Variants in POU6F2 observed in about 807,000 individuals in gnomAD.
POU6F2 encodes the protein POU domain, class 6, transcription factor 2.
A neutral mutation model predicts 71.3 loss-of-function variants in POU6F2; 31 were observed. The ratio of observed to expected loss-of-function variants is 0.43; its 90% CI spans 0.33 to 0.59. The LOEUF (loss-of-function observed/expected upper bound fraction) is 0.59, where lower values mean the gene tolerates loss of function less well. POU6F2 is among the 20% of genes least tolerant of loss of function. The probability of loss-of-function intolerance (pLI) is 0.04; values close to 1 mark genes in which losing one functional copy is unlikely to be tolerated. For synonymous variants in POU6F2, 347 were observed against 355.7 expected, an observed-to-expected ratio of 0.98 and a Z score of 0.27; for missense variants, 783 against 856.8, an observed-to-expected ratio of 0.91 and a Z score of 1.07.
chr7:39,015,466 A>G (rs1402097094), intron 1 of POU6F2, among the ~76,000 whole-genome samples: 3 of 120,592 alleles, frequency 2.5e-5, no homozygotes, highest in Non-Finnish European at 4.8e-5. Context: ...TTATATATAG[A>G]TATATTATAT....
intron 6 of POU6F2, among the ~76,000 whole-genome samples, chr7:39,431,224 G>A (rs1032916113): frequency 6.6e-6 from 1 of 152,122 alleles, no homozygotes; most frequent in Non-Finnish European, 1.5e-5. Context: ...AACTTTATTG[G>A]CCTCCATTGA....
chr7:39,093,182 T>A (rs767687655), intron 2 of POU6F2, among the ~76,000 whole-genome samples: 1 of 152,004 alleles, frequency 6.6e-6, no homozygotes, highest in South Asian at 2.1e-4. Flanking sequence ...TAACTAATAG[T>A]CAAAGCAAGT....
intron 4 of POU6F2, among the ~76,000 whole-genome samples, chr7:39,297,252 C>T (rs1248017263): frequency 1.3e-5 from 2 of 149,792 alleles, no homozygotes; most frequent in Admixed American, 6.6e-5. Context: ...TTCACATATA[C>T]GTGCACATTT....
At chr7:39,362,506 T>C (rs937411065) in intron 5 of POU6F2, among the ~76,000 whole-genome samples, 1 of 152,150 alleles carries the variant, frequency 6.6e-6, no homozygotes, top group Non-Finnish European at 1.5e-5. Context: ...TAGGGAACTT[T>C]TTTCAGTTTC....
At chr7:39,329,328 T>C (rs138368197) in intron 4 of POU6F2, among the ~76,000 whole-genome samples, 26 of 151,198 alleles carry the variant, frequency 1.7e-4, no homozygotes, top group African/African-American at 5.6e-4. Flanking sequence ...AGACCTGATA[T>C]GATTGTGCTT....
chr7:39,185,811 ATATGTATATGTATATG>A (rs1793522448), intron 2 of POU6F2, among the ~76,000 whole-genome samples: 1 of 41,694 alleles, frequency 2.4e-5, no homozygotes, highest in Non-Finnish European at 4.0e-5. Flanking sequence ...ATATATATGT[ATATGTATATGTATATG>A]TATATGTATA....
chr7:39,328,903 C>T (rs1222703860), intron 4 of POU6F2: 1 of 152,214 alleles, frequency 6.6e-6, no homozygotes, highest in Non-Finnish European at 1.5e-5. Flanking sequence ...TCTTTCTGTA[C>T]TTCCCGTAAT....
intron 5 of POU6F2, among the ~76,000 whole-genome samples, chr7:39,345,149 T>C (rs1280345429): frequency 1.3e-5 from 2 of 152,134 alleles, no homozygotes; most frequent in African/African-American, 4.8e-5. Context: ...AAAAAATCAG[T>C]CATATGAACA....
intron 1 of POU6F2, among the ~76,000 whole-genome samples, chr7:39,039,183 C>T (rs1241003631): frequency 6.6e-6 from 1 of 151,904 alleles, no homozygotes; most frequent in African/African-American, 2.4e-5. Context: ...ATCTGATTTT[C>T]TCGACATTTC....
chr7:39,228,135 C>G (rs1794506487), intron 4 of POU6F2, among the ~76,000 whole-genome samples: 1 of 152,146 alleles, frequency 6.6e-6, no homozygotes, highest in Non-Finnish European at 1.5e-5. Flanking sequence ...TACACATACA[C>G]AAATAGGTTA....
At chr7:39,434,626 T>G (rs1337325694) in intron 7 of POU6F2, among the ~76,000 whole-genome samples, 1 of 151,708 alleles carries the variant, frequency 6.6e-6, no homozygotes, top group Non-Finnish European at 1.5e-5. Flanking sequence ...GAGGTTTGTT[T>G]TTGGGTTTTT....
intron 2 of POU6F2, among the ~76,000 whole-genome samples, chr7:39,189,235 C>T (rs1157193267): frequency 6.6e-6 from 1 of 152,238 alleles, no homozygotes; most frequent in Non-Finnish European, 1.5e-5. Context: ...ACCAGGTGCA[C>T]TCCATTATCA....
At chr7:39,014,839 G>C (rs940033990) in intron 1 of POU6F2, among the ~76,000 whole-genome samples, 3 of 152,012 alleles carry the variant, frequency 2.0e-5, no homozygotes, top group African/African-American at 7.3e-5. Flanking sequence ...TACATCCTTG[G>C]TGTAATAAAT....
At chr7:39,420,646 T>A (rs533710195) in intron 6 of POU6F2, among the ~76,000 whole-genome samples, 2 of 152,316 alleles carry the variant, frequency 1.3e-5, no homozygotes, top group African/African-American at 4.8e-5. Context: ...TAGATTTTTT[T>A]AAATTCTGAG....
chr7:39,169,394 G>A (rs539309250), intron 2 of POU6F2, among the ~76,000 whole-genome samples: 14 of 152,250 alleles, frequency 9.2e-5, no homozygotes, highest in African/African-American at 2.9e-4. Flanking sequence ...AAGCCTGTGC[G>A]TGAACTGCAA....
chr7:39,213,500 A>G (rs1308265478), intron 4 of POU6F2, among the ~76,000 whole-genome samples: 2 of 152,220 alleles, frequency 1.3e-5, no homozygotes, highest in African/African-American at 2.4e-5. Context: ...TGCAGGCTCC[A>G]TCAATACAGA....
At chr7:39,456,610 C>T (rs1788812533) in intron 8 of POU6F2, among the ~76,000 whole-genome samples, 1 of 152,128 alleles carries the variant, frequency 6.6e-6, no homozygotes, top group Non-Finnish European at 1.5e-5. Flanking sequence ...TAGAAGTGGA[C>T]CCCATTTTGA....
intron 4 of POU6F2, among the ~76,000 whole-genome samples, chr7:39,308,068 AC>A (rs1175384863): frequency 6.6e-6 from 1 of 152,184 alleles, no homozygotes. Context: ...GCCAGGTGCC[AC>A]CGAACAAAGT....
intron 4 of POU6F2, among the ~76,000 whole-genome samples, chr7:39,324,933 A>C (rs1785478185): frequency 6.6e-6 from 1 of 152,232 alleles, no homozygotes; most frequent in East Asian, 1.9e-4. Context: ...GAATGCGTGA[A>C]TTGAATGACT....
Sources: allele counts gnomAD v4.1 joint callset (sites outside exome capture counted in the v4.1 genomes callset), GRCh38; gene constraint gnomAD v4.1.1; transcripts MANE v1.5; gene names NCBI Gene and HGNC (gene_info 2026-07-23, HGNC 2026-07-21).